AUTS2: variants seen among roughly 807,000 people sequenced by gnomAD.
The protein encoded by AUTS2 is autism susceptibility gene 2 protein.
A neutral mutation model predicts 112.4 loss-of-function variants in AUTS2; 17 were observed. The observed-to-expected ratio is 0.15, with a 90% CI of 0.10 to 0.23. AUTS2 has a LOEUF of 0.23. Among genes scored for constraint, AUTS2 ranks in the 10% least tolerant of loss-of-function variants. The probability of loss-of-function intolerance (pLI) is 1.00; values close to 1 mark genes in which losing one functional copy is unlikely to be tolerated. For missense variants in AUTS2, 1,510 were observed against 1,701.6 expected, an observed-to-expected ratio of 0.89 and a Z score of 1.98; for synonymous variants, 751 against 702.7, an observed-to-expected ratio of 1.07 and a Z score of -1.09.
chr7:69,769,583 T>A (rs1788574164), intron 1 of AUTS2, among the ~76,000 whole-genome samples: 1 of 152,238 alleles, frequency 6.6e-6, no homozygotes, highest in African/African-American at 2.4e-5. Flanking sequence ...CAGATTATGA[T>A]ATGTTTGCAT....
intron 1 of AUTS2, among the ~76,000 whole-genome samples, chr7:69,740,576 T>G (rs1266770346): frequency 6.6e-6 from 1 of 151,860 alleles, no homozygotes; most frequent in African/African-American, 2.4e-5. Context: ...CAGGCTGGAG[T>G]GCAATGGTGT....
intron 5 of AUTS2, among the ~76,000 whole-genome samples, chr7:70,546,792 A>T (rs75695063): frequency 1.3e-5 from 2 of 151,860 alleles, no homozygotes; most frequent in South Asian, 4.2e-4. Flanking sequence ...AAAAAAGAAA[A>T]AAAAAAAATC....
At chr7:69,752,370 C>T (rs1489903341) in intron 1 of AUTS2, among the ~76,000 whole-genome samples, 2 of 152,220 alleles carry the variant, frequency 1.3e-5, no homozygotes, top group Non-Finnish European at 2.9e-5. Flanking sequence ...CCAAGGCTGT[C>T]GCTTGCTGAG....
At chr7:70,191,557 C>A (rs1351194065) in intron 4 of AUTS2, among the ~76,000 whole-genome samples, 1 of 152,176 alleles carries the variant, frequency 6.6e-6, no homozygotes, top group African/African-American at 2.4e-5. Flanking sequence ...TGTCTTATTT[C>A]ATAGTCATGC....
intron 4 of AUTS2, among the ~76,000 whole-genome samples, chr7:70,263,167 C>T (rs1044362211): frequency 2.0e-5 from 3 of 151,744 alleles, no homozygotes; most frequent in Non-Finnish European, 2.9e-5. Context: ...TCTCCTAAAA[C>T]GATTGTCTAT....
chr7:69,757,419 A>C (rs762648139), intron 1 of AUTS2, among the ~76,000 whole-genome samples: 4 of 152,188 alleles, frequency 2.6e-5, no homozygotes, highest in Non-Finnish European at 5.9e-5. Flanking sequence ...TAACAATCTG[A>C]ATCCCAATAT....
At chr7:70,316,940 C>T (rs1790024155) in intron 4 of AUTS2, 1 of 152,164 alleles carries the variant, frequency 6.6e-6, no homozygotes, top group South Asian at 2.1e-4. Context: ...AACCCCAACC[C>T]TCCGTACCGC....
chr7:70,137,986 G>T (rs1806661149), intron 4 of AUTS2, among the ~76,000 whole-genome samples: 1 of 152,160 alleles, frequency 6.6e-6, no homozygotes, highest in Non-Finnish European at 1.5e-5. Flanking sequence ...TTCATCCTCT[G>T]TGATTCTATA....
intron 2 of AUTS2, among the ~76,000 whole-genome samples, chr7:70,054,593 T>A (rs1359742342): frequency 6.6e-6 from 1 of 152,096 alleles, no homozygotes; most frequent in Non-Finnish European, 1.5e-5. Flanking sequence ...ATAAATGGGA[T>A]TTTTCTGACA....
At chr7:69,950,339 A>T (rs1178143651) in intron 2 of AUTS2, among the ~76,000 whole-genome samples, 1 of 152,186 alleles carries the variant, frequency 6.6e-6, no homozygotes, top group Non-Finnish European at 1.5e-5. Context: ...GCAAGCAGAA[A>T]TAATGTGGAT....
intron 1 of AUTS2, among the ~76,000 whole-genome samples, chr7:69,780,702 G>A (rs1327545488): frequency 3.3e-5 from 5 of 152,206 alleles, no homozygotes; most frequent in Non-Finnish European, 7.3e-5. Flanking sequence ...GTAGATAGAA[G>A]CACAGCAGTA....
chr7:69,979,675 G>C (rs963305336), intron 2 of AUTS2, among the ~76,000 whole-genome samples: 13 of 152,172 alleles, frequency 8.5e-5, no homozygotes, highest in Non-Finnish European at 1.3e-4. Flanking sequence ...ACTTGATATG[G>C]AAGAGTATGC....
Position 70,631,653 on chromosome 7 carries a change from C to T in AUTS2, c.691-66916C>T, listed in dbSNP as rs75408758. 6.3e-3 allele frequency among the ~76,000 whole-genome samples: 955 copies of T among 152,244 alleles called. 21 individuals are homozygous for T. The highest frequency in any genetic ancestry group is 0.041 in the East Asian group (214 of 5,160). ...CCCAGCTGCAGAAAGTCATTCCTCACGAAGAAATGGGTGTGCAGAGAATAC... is the reference window on the plus strand; with the variant it reads ...CCCAGCTGCAGAAAGTCATTCCTCATGAAGAAATGGGTGTGCAGAGAATAC... On this transcript the variant is annotated intron_variant, in intron 5 of 18. Coordinates refer to ENST00000342771, the MANE Select transcript of AUTS2 (RefSeq NM_015570.4). This position sits in a 1 kb window ranked among gnomAD's most constrained non-coding sequence, Gnocchi z 4.5.
intron 2 of AUTS2, among the ~76,000 whole-genome samples, chr7:69,960,579 A>G (rs1012468542): frequency 1.3e-5 from 2 of 152,210 alleles, no homozygotes; most frequent in Non-Finnish European, 2.9e-5. Context: ...GTAAGTATTT[A>G]CATGCACATT....
chr7:70,190,842 G>T (rs1584857917), intron 4 of AUTS2, among the ~76,000 whole-genome samples: 2 of 151,908 alleles, frequency 1.3e-5, no homozygotes, highest in Admixed American at 6.6e-5. Flanking sequence ...AAGGAAGTGG[G>T]TATTTTAACC....
At chr7:69,691,550 G>A (rs547028196) in intron 1 of AUTS2, among the ~76,000 whole-genome samples, 2 of 152,110 alleles carry the variant, frequency 1.3e-5, no homozygotes, top group Non-Finnish European at 2.9e-5. Context: ...GCAGTGCCCA[G>A]TCTCAGCCAC....
At chr7:69,798,139 A>G (rs1054860381) in intron 1 of AUTS2, among the ~76,000 whole-genome samples, 1 of 152,044 alleles carries the variant, frequency 6.6e-6, no homozygotes, top group Non-Finnish European at 1.5e-5. Flanking sequence ...TTGTTGATCT[A>G]TTTCGAGCTT....
Position 70,437,382 on chromosome 7 carries a change from A to G in AUTS2, c.690+1601A>G, listed in dbSNP as rs533052286. On this transcript the variant is annotated intron_variant, in intron 5 of 18. Coordinates refer to ENST00000342771, the MANE Select transcript of AUTS2 (RefSeq NM_015570.4). ...TTGGCCCCCAAACCCCCGAGGCCAC[A>G]TTCCCACATGGTGGGCATCACTGGT... The G allele has an allele frequency of 1.1e-3, 164 of 152,624 alleles. 1 individual carries two copies. The Middle Eastern group carries it at 0.017, about 16-fold the overall frequency. 9.5% of individuals were successfully genotyped at this position (152,624 alleles called of 1,614,324 possible). A position where few individuals can be genotyped will look rare whatever the true frequency, so the allele number is the denominator to read the frequency against.
At chr7:70,454,675 A>G (rs1382329565) in intron 5 of AUTS2, among the ~76,000 whole-genome samples, 1 of 152,218 alleles carries the variant, frequency 6.6e-6, no homozygotes, top group Non-Finnish European at 1.5e-5. Flanking sequence ...TTCCCTGCTC[A>G]GTCACACTGA....
Sources: gnomAD v4.1 joint callset for allele counts (sites outside exome capture counted in the v4.1 genomes callset) on GRCh38, gnomAD v4.1.1 for gene constraint, Gnocchi (gnomAD v3.1) non-coding constraint, MANE v1.5 for transcripts, NCBI Gene and HGNC (gene_info 2026-07-23, HGNC 2026-07-21) for gene names.